Variants in ARHGEF7 observed in about 807,000 individuals in gnomAD.
ARHGEF7 encodes the protein Rho guanine nucleotide exchange factor 7, also known as PAK-interacting exchange factor beta.
A neutral mutation model predicts 109.8 loss-of-function variants in ARHGEF7; 33 were observed. The observed-to-expected ratio is 0.30, with a 90% confidence interval of 0.23 to 0.40. ARHGEF7 has a LOEUF of 0.40. Among genes scored for constraint, ARHGEF7 ranks in the 10% least tolerant of loss-of-function variants. The probability of loss-of-function intolerance (pLI) is 1.00; values close to 1 mark genes in which losing one functional copy is unlikely to be tolerated. For synonymous variants in ARHGEF7, 458 were observed against 424.6 expected (o/e 1.08, Z -0.97); for missense variants, 938 against 1,098.5 (o/e 0.85, Z 2.07).
Position 111,233,341 on chromosome 13 carries a change from G to C in ARHGEF7, c.759+48G>C, listed in dbSNP as rs375171703. The C allele has an allele frequency of 3.9e-5, 55 of 1,427,308 alleles. No homozygotes were observed. The African/African-American group carries it at 7.0e-4, about 18-fold the overall frequency. The allele number at this position is 1,427,308 out of a possible 1,614,324, so 88.4% of individuals were successfully genotyped here. On this transcript the variant is annotated intron_variant, in intron 6 of 21. Transcript: ENST00000646102. ...TAAACTAACTGGTTTTTGACTGCCT[G>C]TAAAACTCAGCAATGTAGAATGTAG...
At position 111,153,894 on chromosome 13, in the gene ARHGEF7, C is replaced by A; in HGVS notation, c.166-11C>A. On this transcript the variant is annotated splice_polypyrimidine_tract_variant and intron_variant, in intron 1 of 21. Transcript: ENST00000646102. ...GGCCACGGCGCTCAGCGCTTGTGCTCTGTATTGCAGGTCTACCCCGAGCCC... is the reference window on the plus strand; with the variant it reads ...GGCCACGGCGCTCAGCGCTTGTGCTATGTATTGCAGGTCTACCCCGAGCCC... 6.3e-7 allele frequency: 1 copy of A among 1,596,846 alleles called. No homozygotes were observed.
At chr13:111,123,920 T>C (rs191458164) in intron 1 of ARHGEF7, among the ~76,000 whole-genome samples, 2,435 of 138,870 alleles carry the variant, frequency 0.018, 66 homozygotes, top group African/African-American at 0.06. Context: ...CTGGGTTGAG[T>C]CTCTCATTTG....
intron 3 of ARHGEF7, among the ~76,000 whole-genome samples, chr13:111,208,228 C>T (rs898682088): frequency 7.2e-5 from 11 of 152,090 alleles, no homozygotes; most frequent in African/African-American, 1.7e-4. Flanking sequence ...TTAGTAGAGG[C>T]GGGGTTTCTC....
Position 111,303,205 on chromosome 13 carries a change from C to G in ARHGEF7, c.*92C>G. ...TCGGGGTGCACTCAGGACCACAGGGCAGGGCTGGGTGGGGCGCCACCTTGC... is the reference window on the plus strand; with the variant it reads ...TCGGGGTGCACTCAGGACCACAGGGGAGGGCTGGGTGGGGCGCCACCTTGC... On this transcript the variant is annotated 3_prime_UTR_variant, in exon 22 of 22. Transcript: ENST00000646102. 2.2e-6 allele frequency: 2 copies of G among 889,634 alleles called. No individual in the cohort carries two copies. Among genetic ancestry groups the G allele is most frequent in the Non-Finnish European group, 3.2e-6 (2 of 622,442 alleles). 55.1% of individuals were successfully genotyped at this position (889,634 alleles called of 1,614,324 possible).
At chr13:111,284,041 A>G (rs2092911473) in intron 16 of ARHGEF7, among the ~76,000 whole-genome samples, 1 of 152,216 alleles carries the variant, frequency 6.6e-6, no homozygotes, top group South Asian at 2.1e-4. Context: ...TGTTCTGAGA[A>G]GTACTTTCAC....
At chr13:111,221,856 G>A (rs188786972) in intron 5 of ARHGEF7, among the ~76,000 whole-genome samples, 128 of 151,920 alleles carry the variant, frequency 8.4e-4, no homozygotes, top group African/African-American at 3.0e-3. Context: ...ATGTATACAA[G>A]GTCCCACGAT....
chr13:111,190,802 A>G (rs1471852613), intron 2 of ARHGEF7, among the ~76,000 whole-genome samples: 1 of 152,160 alleles, frequency 6.6e-6, no homozygotes, highest in Non-Finnish European at 1.5e-5. Flanking sequence ...TCCACATAAG[A>G]AGAATACATC....
At chr13:111,280,225 G>GA in intron 13 of ARHGEF7, 47 bp from the exon 14 acceptor site, 1 of 1,541,326 alleles carries the variant, frequency 6.5e-7, no homozygotes, top group Non-Finnish European at 8.9e-7. Flanking sequence ...CCTTTTTCTA[G>GA]AAAAGCACTA....
At position 111,283,210 on chromosome 13, in the gene ARHGEF7, C is replaced by T. The variant is rs775313143; in HGVS notation, c.1797C>T (p.Tyr599=). The T allele has an allele frequency of 3.1e-6, 5 of 1,597,072 alleles. No homozygotes were observed. Among genetic ancestry groups the T allele is most frequent in the Middle Eastern group, 1.6e-4 (1 of 6,066 alleles). Residue 599 remains tyrosine, a synonymous_variant, in exon 16 of 22, where the codon TAC becomes TAT. Transcript: ENST00000646102. ...AGCCCGCGCCGCTGACGCCCGCCTA[C>T]CACACGCTGCCCCACCCCTCCCACC... is the stretch of plus-strand genomic sequence containing the variant. ...DSKPAPLTPA[Y]HTLPHPSHHG... is the part of the protein sequence containing the mutation.
chr13:111,258,500 C>T lies in ARHGEF7; in HGVS notation c.951-9048C>T, dbSNP rs2090710110. On this transcript the variant is annotated intron_variant, in intron 8 of 21. Transcript: ENST00000646102. This position sits in a 1 kb window ranked among gnomAD's most constrained non-coding sequence, Gnocchi z 4.4. ...CCTTGGACCAAAAGGGAACCCACTG[C>T]TTGGAAGGGAAGCACCCAGTTCCTG... is the stretch of plus-strand genomic sequence containing the variant. Among the ~76,000 whole-genome samples the T allele has an allele frequency of 1.3e-5, 2 of 152,216 alleles. No individual in the cohort carries two copies. Among genetic ancestry groups the T allele is most frequent in the African/African-American group, 4.8e-5 (2 of 41,450 alleles).
Position 111,273,932 on chromosome 13 carries a change from G to C in ARHGEF7, c.1192G>C (p.Glu398Gln). Residue 398 changes from glutamate to glutamine, a missense_variant, in exon 10 of 22, where the codon GAG becomes CAG. Around this residue, in one of 4 missense-constraint regions of ARHGEF7, gnomAD observed 585 missense variants for 723.6 expected, o/e 0.81. Transcript: ENST00000646102. This position sits in a 1 kb window ranked among gnomAD's most constrained non-coding sequence, Gnocchi z 4.5. Reference protein sequence around the residue: ...RLDKYPTLLKELERHMEDYHT... With the variant: ...RLDKYPTLLKQLERHMEDYHT... ...GGATAAATACCCTACGCTGCTCAAAGAGCTCGAGAGACACATGGAGGTACT... is the reference window on the plus strand; with the variant it reads ...GGATAAATACCCTACGCTGCTCAAACAGCTCGAGAGACACATGGAGGTACT... The C allele has an allele frequency of 6.2e-7, 1 of 1,614,192 alleles. No individual in the cohort carries two copies. Among genetic ancestry groups the C allele is most frequent in the Non-Finnish European group, 8.5e-7 (1 of 1,180,034 alleles).
At chr13:111,163,033 T>C (rs781628681) in intron 2 of ARHGEF7, among the ~76,000 whole-genome samples, 4 of 152,384 alleles carry the variant, frequency 2.6e-5, no homozygotes, top group East Asian at 1.9e-4. Flanking sequence ...TGAGGCATTC[T>C]TTTTAGCTGG....
chr13:111,281,015 G>A (rs2092745961), intron 15 of ARHGEF7: 1 of 186,238 alleles, frequency 5.4e-6, no homozygotes, highest in Non-Finnish European at 1.1e-5. Context: ...AATTTTAACT[G>A]TTTATTATGC....
At chr13:111,278,562 C>G (rs567074466) in intron 13 of ARHGEF7, among the ~76,000 whole-genome samples, 1 of 152,310 alleles carries the variant, frequency 6.6e-6, no homozygotes, top group South Asian at 2.1e-4. Context: ...TACACCAACA[C>G]ACGTGCTTTA....
At position 111,288,301 on chromosome 13, in the gene ARHGEF7, T is replaced by A. The variant is rs569645406; in HGVS notation, c.2045-53T>A. ...GTCTGCATTGCATTCGTCTCGCCAGTTGCCCTAGAGGCCTTTCAGTTCGAC... is the reference window on the plus strand; with the variant it reads ...GTCTGCATTGCATTCGTCTCGCCAGATGCCCTAGAGGCCTTTCAGTTCGAC... On this transcript the variant is annotated intron_variant, in intron 17 of 21. Coordinates refer to ENST00000646102, the MANE Select transcript of ARHGEF7 (RefSeq NM_001354046.2). The A allele has an allele frequency of 8.0e-6, 10 of 1,256,274 alleles. No homozygotes were observed. In the East Asian group the frequency reaches 2.4e-4, roughly 30 times the overall value. The allele number at this position is 1,256,274 out of a possible 1,614,324, so 77.8% of individuals were successfully genotyped here. A position where few individuals can be genotyped will look rare whatever the true frequency, so the allele number is the denominator to read the frequency against.
intron 8 of ARHGEF7, among the ~76,000 whole-genome samples, chr13:111,264,438 G>C (rs1247959148): frequency 6.6e-6 from 1 of 152,174 alleles, no homozygotes; most frequent in Admixed American, 6.5e-5. Context: ...AGAGAAGGCA[G>C]GTGGGACAGC....
At chr13:111,244,864 T>C (rs1226361400) in intron 8 of ARHGEF7, among the ~76,000 whole-genome samples, 2 of 152,224 alleles carry the variant, frequency 1.3e-5, no homozygotes, top group Non-Finnish European at 2.9e-5. Context: ...AGTTTTATTC[T>C]TGTAGCGTAA....
In ARHGEF7 at chr13:111,305,045, G is replaced by A. The variant is rs770718386; in HGVS notation, c.*1932G>A. On this transcript the variant is annotated 3_prime_UTR_variant, in exon 22 of 22. Transcript: ENST00000646102. ...ATTAACTGTCCTCTCGGAGCCGGTAGCGTTGCTGTCCGAGTCCCCAGGACG... is the reference window on the plus strand; with the variant it reads ...ATTAACTGTCCTCTCGGAGCCGGTAACGTTGCTGTCCGAGTCCCCAGGACG... The A allele has an allele frequency of 6.6e-6, 1 of 152,242 alleles. No individual in the cohort carries two copies. The highest frequency in any genetic ancestry group is 1.5e-5 in the Non-Finnish European group (1 of 68,040). The allele number at this position is 152,242 out of a possible 1,614,324, so 9.4% of individuals were successfully genotyped here.
chr13:111,176,444 C>T (rs142230242), intron 2 of ARHGEF7, among the ~76,000 whole-genome samples: 7 of 152,278 alleles, frequency 4.6e-5, no homozygotes, highest in Admixed American at 3.9e-4. Flanking sequence ...GTTAGATGGC[C>T]GGCCCCTGGA....
Sources: allele counts gnomAD v4.1 joint callset (sites outside exome capture counted in the v4.1 genomes callset), GRCh38; gene constraint gnomAD v4.1.1; regional missense constraint gnomAD v4.1.1; non-coding constraint Gnocchi (gnomAD v3.1); transcripts MANE v1.5; gene names NCBI Gene and HGNC (gene_info 2026-07-23, HGNC 2026-07-21).